The following MAP4K4 variants were observed in gnomAD, a reference collection of about 807,000 sequenced individuals.
The protein encoded by MAP4K4 is mitogen-activated protein kinase kinase kinase kinase 4.
A neutral mutation model predicts 189.6 loss-of-function variants in MAP4K4; 38 were observed. The observed-to-expected ratio is 0.20, with a 90% confidence interval of 0.15 to 0.26. The LOEUF (loss-of-function observed/expected upper bound fraction) is 0.26, where lower values mean the gene tolerates loss of function less well. Among genes scored for constraint, MAP4K4 ranks in the 10% least tolerant of loss-of-function variants. The probability of loss-of-function intolerance (pLI) is 1.00; values close to 1 mark genes in which losing one functional copy is unlikely to be tolerated. For missense variants in MAP4K4, 1,054 were observed against 1,726.9 expected, an observed-to-expected ratio of 0.61 and a Z score of 6.91; for synonymous variants, 610 against 624.3, an observed-to-expected ratio of 0.98 and a Z score of 0.34.
At chr2:101,740,161 T>TAAAGCCTGCATTGCTGTATTGTGCC (rs1353029035) in intron 2 of MAP4K4, among the ~76,000 whole-genome samples, 3 of 115,042 alleles carry the variant, frequency 2.6e-5, no homozygotes, top group Admixed American at 7.8e-5. Flanking sequence ...CTTTTTTTTT[T>TAAAGCCTGCATTGCTGTATTGTGCC]TTTTTTTTTT....
chr2:101,731,407 C>T (rs755328811), intron 2 of MAP4K4, among the ~76,000 whole-genome samples: 13 of 151,940 alleles, frequency 8.6e-5, no homozygotes, highest in Non-Finnish European at 1.5e-4. Flanking sequence ...TGAGCCACTG[C>T]CCCTGGCCGA....
intron 2 of MAP4K4, among the ~76,000 whole-genome samples, chr2:101,719,698 G>A (rs937393382): frequency 2.0e-5 from 3 of 152,036 alleles, no homozygotes; most frequent in African/African-American, 2.4e-5. Context: ...AAATTCAAGC[G>A]CCTGATTGTG....
intron 29 of MAP4K4, among the ~76,000 whole-genome samples, chr2:101,885,937 A>G (rs1044657034): frequency 1.3e-5 from 2 of 152,218 alleles, no homozygotes; most frequent in Non-Finnish European, 2.9e-5. Context: ...TGAAATTTAC[A>G]AATATACCTC....
chr2:101,773,532 T>C (rs1013238256), intron 2 of MAP4K4, among the ~76,000 whole-genome samples: 2 of 152,264 alleles, frequency 1.3e-5, no homozygotes, highest in Non-Finnish European at 2.9e-5. Flanking sequence ...CAATGCGTAA[T>C]AGTCACATCA....
chr2:101,754,210 T>G (rs1282183321), intron 2 of MAP4K4, among the ~76,000 whole-genome samples: 1 of 152,180 alleles, frequency 6.6e-6, no homozygotes, highest in Non-Finnish European at 1.5e-5. Context: ...CTCTTACTAG[T>G]CAGTATGTTT....
intron 2 of MAP4K4, among the ~76,000 whole-genome samples, chr2:101,771,020 C>G (rs1376840743): frequency 6.6e-6 from 1 of 152,198 alleles, no homozygotes; most frequent in African/African-American, 2.4e-5. Flanking sequence ...ACTTAACAGC[C>G]TCATGGCAGG....
intron 24 of MAP4K4, among the ~76,000 whole-genome samples, chr2:101,872,851 A>G (rs1254611136): frequency 1.3e-5 from 2 of 152,150 alleles, no homozygotes; most frequent in Non-Finnish European, 2.9e-5. Flanking sequence ...CTACACTCAC[A>G]TTCTTCCTTA....
chr2:101,876,292 C>T (rs1281115421), intron 26 of MAP4K4, among the ~76,000 whole-genome samples: 1 of 152,184 alleles, frequency 6.6e-6, no homozygotes, highest in Non-Finnish European at 1.5e-5. Context: ...GTGGAAATGT[C>T]TCCACTGAGG....
intron 2 of MAP4K4, among the ~76,000 whole-genome samples, chr2:101,743,970 TC>T (rs774433189): frequency 2.0e-5 from 3 of 152,184 alleles, no homozygotes; most frequent in Non-Finnish European, 4.4e-5. Context: ...GATAATACTT[TC>T]AAGAAGAAAA....
At chr2:101,885,491 G>C (rs115296009) in intron 29 of MAP4K4, among the ~76,000 whole-genome samples, 1,612 of 152,320 alleles carry the variant, frequency 0.011, 36 homozygotes, top group African/African-American at 0.037. Flanking sequence ...GAAGGAGAGA[G>C]AGATAAATGT....
intron 27 of MAP4K4, among the ~76,000 whole-genome samples, chr2:101,877,864 C>T (rs573363460): frequency 1.3e-5 from 2 of 152,258 alleles, no homozygotes; most frequent in East Asian, 3.9e-4. Context: ...ATTCTCCTGC[C>T]TCAGCCTCCC....
At chr2:101,816,543 G>A (rs1458113308) in intron 3 of MAP4K4, among the ~76,000 whole-genome samples, 2 of 152,148 alleles carry the variant, frequency 1.3e-5, no homozygotes, top group African/African-American at 4.8e-5. Context: ...CACTGGGTTA[G>A]GGAGAGGTAT....
intron 5 of MAP4K4, among the ~76,000 whole-genome samples, chr2:101,827,171 A>G (rs777886231): frequency 3.9e-5 from 6 of 152,168 alleles, no homozygotes; most frequent in Non-Finnish European, 5.9e-5. Context: ...AAGTTGTTTG[A>G]CGTCTCTAAG....
chr2:101,839,297 T>C (rs2096852408), intron 9 of MAP4K4, among the ~76,000 whole-genome samples: 1 of 152,230 alleles, frequency 6.6e-6, no homozygotes, highest in Admixed American at 6.5e-5. Flanking sequence ...TCCACCTTTG[T>C]AGGTTAAACA....
intron 21 of MAP4K4, 121 bp downstream of exon 21, chr2:101,868,158 A>G: frequency 2.7e-6 from 3 of 1,098,084 alleles, no homozygotes; most frequent in Non-Finnish European, 2.7e-6. Context: ...CTTTTCTAGA[A>G]TTTAAAAACC....
chr2:101,823,923 A>T lies in MAP4K4; in HGVS notation c.181-5A>T. 2 of 1,591,914 alleles carry T rather than the reference A, an allele frequency of 1.3e-6. No individual in the cohort carries two copies. The highest frequency in any genetic ancestry group is 2.3e-5 in the South Asian group (2 of 87,524). The stretch of plus-strand genomic sequence containing the variant: ...CCACACATTTTATTTTTATTTTTTC[A>T]TAAGGATGAAGAGGAAGAAATCAAA... On this transcript the variant is annotated splice_polypyrimidine_tract_variant and splice_region_variant and intron_variant, in intron 3 of 32. Coordinates refer to ENST00000324219, the Ensembl canonical transcript of MAP4K4.
At chr2:101,886,840 AT>A (rs1156481480) in intron 29 of MAP4K4, among the ~76,000 whole-genome samples, 2 of 152,046 alleles carry the variant, frequency 1.3e-5, no homozygotes, top group Non-Finnish European at 2.9e-5. Flanking sequence ...CCTGGCTAAC[AT>A]GGTGAAACCC....
chr2:101,750,715 C>T lies in MAP4K4; in HGVS notation c.124-40005C>T, dbSNP rs550838808. On this transcript the variant is annotated intron_variant, in intron 2 of 32. Transcript: ENST00000324219. ...TGGTGCAGGCCTGTAATCCTAGCTA[C>T]TCAGGAGGCTGAGATGGGAGAATTG... 8.6e-5 allele frequency among the ~76,000 whole-genome samples: 13 copies of T among 151,588 alleles called. No individual in the cohort carries two copies. The South Asian group carries it at 2.7e-3, about 32-fold the overall frequency.
chr2:101,744,475 C>T (rs886240065), intron 2 of MAP4K4, among the ~76,000 whole-genome samples: 3 of 152,174 alleles, frequency 2.0e-5, no homozygotes, highest in Admixed American at 6.5e-5. Context: ...CTTTTTACTA[C>T]TTAATGAACT....
Sources: gnomAD v4.1 joint callset for allele counts (sites outside exome capture counted in the v4.1 genomes callset) on GRCh38, gnomAD v4.1.1 for gene constraint, MANE v1.5 for transcripts, NCBI Gene and HGNC (gene_info 2026-07-23, HGNC 2026-07-21) for gene names.